Variants in NRG3 observed in about 807,000 individuals in gnomAD.
NRG3 encodes the protein neuregulin 3.
A neutral mutation model predicts 66.9 loss-of-function variants in NRG3; 31 were observed. That is an observed-to-expected ratio of 0.46 (90% confidence interval 0.35 to 0.63). The LOEUF is 0.63. Among genes scored for constraint, NRG3 ranks in the 20% least tolerant of loss-of-function variants. NRG3 has a pLI of 0.00. For synonymous variants in NRG3, 393 were observed against 359.4 expected (o/e 1.09, Z -1.06); for missense variants, 910 against 878.9 (o/e 1.04, Z -0.45).
At chr10:82,006,972 G>A (rs1364126897) in intron 1 of NRG3, among the ~76,000 whole-genome samples, 1 of 152,018 alleles carries the variant, frequency 6.6e-6, no homozygotes, top group Non-Finnish European at 1.5e-5. Context: ...AACACTAATA[G>A]GATTTGGTTA....
rs149054081 is a variant in NRG3, at chr10:82,702,931, A to G, written c.954-35646A>G. Among the ~76,000 whole-genome samples, 600 of 152,200 alleles carry G rather than the reference A, an allele frequency of 3.9e-3. 2 individuals carry two copies. Among genetic ancestry groups the G allele is most frequent in the Non-Finnish European group, 7.0e-3 (475 of 68,026 alleles). The stretch of plus-strand genomic sequence containing the variant: ...AAAAGTTAAGAAAAATGGTATATGT[A>G]TAATAATACTATGTTCAGACTCCAC... On this transcript the variant is annotated intron_variant, in intron 2 of 8. Transcript: ENST00000372141.
At chr10:82,537,671 T>C (rs1333459150) in intron 2 of NRG3, among the ~76,000 whole-genome samples, 5 of 152,216 alleles carry the variant, frequency 3.3e-5, no homozygotes, top group Non-Finnish European at 2.9e-5. Flanking sequence ...TCAAACATTT[T>C]TTAACATAAT....
intron 1 of NRG3, among the ~76,000 whole-genome samples, chr10:82,251,374 C>T (rs1027247351): frequency 1.3e-5 from 2 of 152,156 alleles, no homozygotes; most frequent in African/African-American, 4.8e-5. Context: ...AAGCCATTGT[C>T]CTGCTGAGCG....
chr10:82,380,882 T>C (rs1425102516), intron 2 of NRG3, among the ~76,000 whole-genome samples: 1 of 152,070 alleles, frequency 6.6e-6, no homozygotes, highest in Non-Finnish European at 1.5e-5. Context: ...TAACCCCTAA[T>C]GGAAACAGCC....
intron 1 of NRG3, among the ~76,000 whole-genome samples, chr10:82,164,437 T>C (rs1413068078): frequency 6.6e-6 from 1 of 152,146 alleles, no homozygotes; most frequent in East Asian, 1.9e-4. Context: ...TATTCTGCTA[T>C]GTAACATTAG....
intron 1 of NRG3, among the ~76,000 whole-genome samples, chr10:81,879,403 G>T (rs141062052): frequency 6.6e-6 from 1 of 152,102 alleles, no homozygotes; most frequent in Admixed American, 6.5e-5. Flanking sequence ...CTTCAATTTC[G>T]TTTTCAGATT....
intron 3 of NRG3, among the ~76,000 whole-genome samples, chr10:82,759,388 C>A (rs529905270): frequency 6.6e-6 from 1 of 152,232 alleles, no homozygotes; most frequent in South Asian, 2.1e-4. Flanking sequence ...ACTTTCCAGT[C>A]ACCAGAATTG....
intron 2 of NRG3, among the ~76,000 whole-genome samples, chr10:82,632,045 T>A (rs1261532779): frequency 6.6e-6 from 1 of 152,084 alleles, no homozygotes; most frequent in Non-Finnish European, 1.5e-5. Context: ...GAGGTTGCAC[T>A]GGGCCGAGAT....
chr10:82,295,854 G>T (rs2080029650), intron 1 of NRG3, among the ~76,000 whole-genome samples: 1 of 151,826 alleles, frequency 6.6e-6, no homozygotes, highest in African/African-American at 2.4e-5. Context: ...TTATTGAATT[G>T]TTTATGTGGC....
chr10:82,031,985 G>A (rs2062590261), intron 1 of NRG3, among the ~76,000 whole-genome samples: 1 of 152,046 alleles, frequency 6.6e-6, no homozygotes, highest in African/African-American at 2.4e-5. Context: ...TGACCAAGCA[G>A]TGGGCCATTC....
chr10:82,616,942 A>G (rs2048692923), intron 2 of NRG3, among the ~76,000 whole-genome samples: 1 of 152,200 alleles, frequency 6.6e-6, no homozygotes, highest in Admixed American at 6.5e-5. Flanking sequence ...TGTATATGGA[A>G]AAAAGGAAAC....
intron 4 of NRG3, among the ~76,000 whole-genome samples, chr10:82,945,809 A>G (rs1363700915): frequency 6.6e-6 from 1 of 152,162 alleles, no homozygotes; most frequent in Non-Finnish European, 1.5e-5. Flanking sequence ...AACTTTGAGG[A>G]ACATATTGAA....
rs374841634 is a variant in NRG3 at position 81,877,542 on chromosome 10, C to T, written c.823+1379C>T. 1.2e-3 allele frequency: 372 copies of T among 299,564 alleles called. 8 individuals carry two copies. The South Asian group carries it at 0.036, about 29-fold the overall frequency. The allele number at this position is 299,564 out of a possible 1,614,324, so 18.6% of individuals were successfully genotyped here. Reference sequence around the variant, plus strand: ...TTCATTTCCCTGCCCTATGATCTTACCCTGGGTGTTACTTAACCCTTGAAA... The same window carrying T: ...TTCATTTCCCTGCCCTATGATCTTATCCTGGGTGTTACTTAACCCTTGAAA... On this transcript the variant is annotated intron_variant, in intron 1 of 8. Transcript: ENST00000372141.
At chr10:82,184,839 C>T (rs577514642) in intron 1 of NRG3, among the ~76,000 whole-genome samples, 68 of 152,058 alleles carry the variant, frequency 4.5e-4, no homozygotes, top group Non-Finnish European at 8.1e-4. Flanking sequence ...GACTTACTGT[C>T]AAAATCAACA....
In NRG3 at chr10:82,821,141, G is replaced by T. The variant is rs2135572868; in HGVS notation, c.1028-44270G>T. 2.0e-5 allele frequency among the ~76,000 whole-genome samples: 3 copies of T among 152,234 alleles called. No homozygotes were observed. In the South Asian group the frequency reaches 6.2e-4, roughly 32 times the overall value. On this transcript the variant is annotated intron_variant, in intron 3 of 8. Coordinates refer to ENST00000372141, the MANE Select transcript of NRG3 (RefSeq NM_001010848.4). ...TTCAAGCACTATCACAGAGTCAGAT[G>T]GACCTTAACTCACCTGAGCAAAGGC...
chr10:82,484,024 TA>T lies in NRG3; in HGVS notation c.953+125160del, dbSNP rs1292133051. On this transcript the variant is annotated intron_variant, in intron 2 of 8. Transcript: ENST00000372141. ...ATCTCCAGTGCCTAGACAAGCTTTT[TA>T]AAATTGTATTTGAATCTGTAAACAG... Among the ~76,000 whole-genome samples, 7 of 152,370 alleles carry T rather than the reference TA, an allele frequency of 4.6e-5. No individual in the cohort carries two copies. In the South Asian group the frequency reaches 1.4e-3, roughly 32 times the overall value.
At chr10:82,364,424 C>A (rs2084389479) in intron 2 of NRG3, among the ~76,000 whole-genome samples, 1 of 152,146 alleles carries the variant, frequency 6.6e-6, no homozygotes. Flanking sequence ...AATAAGTCAG[C>A]AGAAACACTT....
chr10:82,166,184 G>A (rs919648457), intron 1 of NRG3, among the ~76,000 whole-genome samples: 2 of 151,820 alleles, frequency 1.3e-5, no homozygotes, highest in African/African-American at 4.8e-5. Flanking sequence ...CACCACGCCC[G>A]GCTAATTTTG....
chr10:82,963,451 C>T lies in NRG3; in HGVS notation c.1284+4376C>T, dbSNP rs529034634. Among the ~76,000 whole-genome samples the T allele has an allele frequency of 1.8e-4, 27 of 152,248 alleles. No homozygotes were observed. In the South Asian group the frequency reaches 4.1e-3, roughly 23 times the overall value. On this transcript the variant is annotated intron_variant, in intron 6 of 8. Transcript: ENST00000372141. ...ATCCCAGCACTTTGGGAGGCCGAGG[C>T]GGGTGGATCACGAGGTCAGGAGATC...
Sources: allele counts gnomAD v4.1 joint callset (sites outside exome capture counted in the v4.1 genomes callset), GRCh38; gene constraint gnomAD v4.1.1; transcripts MANE v1.5; gene names NCBI Gene and HGNC (gene_info 2026-07-23, HGNC 2026-07-21).